Variants in DMD observed in about 807,000 individuals in gnomAD.
DMD encodes the protein dystrophin.
A neutral mutation model predicts 330.1 loss-of-function variants in DMD; 63 were observed. The observed-to-expected ratio is 0.19, with a 90% CI of 0.16 to 0.24. DMD has a LOEUF of 0.24. Ranked by LOEUF, DMD falls within the 10% of genes least tolerant of loss-of-function variation. DMD has a pLI of 1.00. For missense variants in DMD, 3,344 were observed against 2,684.1 expected (o/e 1.25, Z -5.43); for synonymous variants, 1,223 against 959.8 (o/e 1.27, Z -5.07).
At chrX:32,674,277 G>A (rs2061824673) in intron 9 of DMD, among the ~76,000 whole-genome samples, 1 of 111,491 alleles carries the variant, frequency 9.0e-6, no homozygotes, top group Non-Finnish European at 1.9e-5. Context: ...TCCACTGGAT[G>A]GATCATAAAG....
intron 52 of DMD, among the ~76,000 whole-genome samples, chrX:31,713,004 T>C (rs1162512497): frequency 9.0e-6 from 1 of 111,271 alleles, no homozygotes; most frequent in East Asian, 2.8e-4. Context: ...GTAGTGGGCA[T>C]GGTGGGCTTC....
chrX:32,553,412 G>C (rs1473136732), intron 16 of DMD, among the ~76,000 whole-genome samples: 1 of 109,893 alleles, frequency 9.1e-6, no homozygotes, highest in African/African-American at 3.4e-5. Context: ...TCTATGTGAG[G>C]CTGGAGGGTA....
intron 43 of DMD, among the ~76,000 whole-genome samples, chrX:32,275,143 G>A (rs187673178): frequency 8.9e-6 from 1 of 111,889 alleles, no homozygotes; most frequent in East Asian, 2.8e-4. Flanking sequence ...CACTTGAACA[G>A]AGCAGTGTGA....
At chrX:32,449,004 T>C (rs148031686) in intron 26 of DMD, among the ~76,000 whole-genome samples, 1,814 of 111,102 alleles carry the variant, frequency 0.016, 39 homozygotes, top group African/African-American at 0.055. Flanking sequence ...AGTCTAGAAT[T>C]GAAATCACTT....
intron 1 of DMD, among the ~76,000 whole-genome samples, chrX:33,297,568 C>G (rs1270278260): frequency 1.8e-5 from 2 of 110,646 alleles, no homozygotes; most frequent in East Asian, 5.7e-4. Flanking sequence ...TCACAATAGC[C>G]AAGATATAGC....
chrX:31,564,042 A>G (rs1229321700), intron 55 of DMD, among the ~76,000 whole-genome samples: 2 of 111,106 alleles, frequency 1.8e-5, no homozygotes, highest in Non-Finnish European at 3.8e-5. Context: ...GGGGCATGCC[A>G]TGTGAAAATG....
chrX:33,070,677 A>ACC (rs2094739635), intron 1 of DMD, among the ~76,000 whole-genome samples: 1 of 22,445 alleles, frequency 4.5e-5, no homozygotes, highest in Non-Finnish European at 7.4e-5. Context: ...CTCTCTCTAT[A>ACC]TATATATATA....
chrX:33,200,564 T>C (rs1411499055), intron 1 of DMD, among the ~76,000 whole-genome samples: 2 of 111,377 alleles, frequency 1.8e-5, no homozygotes, highest in East Asian at 2.8e-4. Flanking sequence ...CCTCATCTAA[T>C]CTCATACACT....
chrX:32,033,603 C>CAGAGAGAA (rs1217395754), intron 44 of DMD, among the ~76,000 whole-genome samples: 1 of 59,938 alleles, frequency 1.7e-5, no homozygotes, highest in Non-Finnish European at 3.0e-5. Flanking sequence ...GACAGACAGA[C>CAGAGAGAA]AGAAAGAAAG....
chrX:32,703,866 T>C (rs763546469), intron 7 of DMD, among the ~76,000 whole-genome samples: 1 of 111,844 alleles, frequency 8.9e-6, no homozygotes, highest in Non-Finnish European at 1.9e-5. Context: ...TAAGATTTTA[T>C]GAAATGAGAG....
intron 44 of DMD, among the ~76,000 whole-genome samples, chrX:32,028,728 A>G (rs1226961640): frequency 9.0e-6 from 1 of 111,520 alleles, no homozygotes; most frequent in African/African-American, 3.3e-5. Context: ...AATTTATTGA[A>G]CACAAAGGAA....
intron 5 of DMD, among the ~76,000 whole-genome samples, chrX:32,820,447 T>C (rs2078146286): frequency 9.1e-6 from 1 of 109,855 alleles, no homozygotes; most frequent in African/African-American, 3.4e-5. Flanking sequence ...GTCTCAAAAA[T>C]AAAAAATAAA....
chrX:31,716,316 C>T (rs28424590), intron 52 of DMD, among the ~76,000 whole-genome samples: 15,305 of 111,836 alleles, frequency 0.14, 891 homozygotes, highest in Admixed American at 0.31. Context: ...CTTTGGGAGG[C>T]CGAGGCGGGT....
At chrX:32,563,470 T>C (rs1024959817) in intron 16 of DMD, among the ~76,000 whole-genome samples, 1 of 111,071 alleles carries the variant, frequency 9.0e-6, no homozygotes, top group Non-Finnish European at 1.9e-5. Context: ...ATGCCTCCAT[T>C]TTATCTTCAT....
At chrX:32,898,728 G>A (rs760420443) in intron 2 of DMD, among the ~76,000 whole-genome samples, 1 of 111,199 alleles carries the variant, frequency 9.0e-6, no homozygotes, top group South Asian at 3.9e-4. Flanking sequence ...AATGAGGGCT[G>A]CTGGGGATCA....
chrX:32,678,542 G>A (rs1255267206), intron 9 of DMD, among the ~76,000 whole-genome samples: 1 of 110,686 alleles, frequency 9.0e-6, no homozygotes, highest in Non-Finnish European at 1.9e-5. Context: ...ATGTGTGTAT[G>A]GGTGGGTGCC....
chrX:31,567,708 A>G (rs746096460), intron 55 of DMD, among the ~76,000 whole-genome samples: 1 of 110,403 alleles, frequency 9.1e-6, no homozygotes, highest in Non-Finnish European at 1.9e-5. Flanking sequence ...TTTATTCTCA[A>G]TACTGCTTTT....
rs1376652202 is a variant in DMD at position 31,196,437 on chromosome X, AG to A, written c.9807+7523del. On this transcript the variant is annotated intron_variant, in intron 67 of 78. Coordinates refer to ENST00000357033, the MANE Select transcript of DMD (RefSeq NM_004006.3). ...GTAAAAGGAATGTCTATGGAACCAAAGGGCCCACAGTCTGATTAATACACAA... is the reference window on the plus strand; with the variant it reads ...GTAAAAGGAATGTCTATGGAACCAAAGGCCCACAGTCTGATTAATACACAA... Among the ~76,000 whole-genome samples the A allele has an allele frequency of 2.7e-5, 3 of 111,509 alleles. No homozygotes were observed. The East Asian group carries it at 8.4e-4, about 31-fold the overall frequency.
At chrX:32,664,249 T>A (rs1255652446) in intron 9 of DMD, among the ~76,000 whole-genome samples, 8 of 100,849 alleles carry the variant, frequency 7.9e-5, no homozygotes, top group African/African-American at 2.9e-4. Flanking sequence ...TTTTTTTTTT[T>A]TTTTTTTTTT....
Sources: gnomAD v4.1 joint callset for allele counts (sites outside exome capture counted in the v4.1 genomes callset) on GRCh38, gnomAD v4.1.1 for gene constraint, MANE v1.5 for transcripts, NCBI Gene and HGNC (gene_info 2026-07-23, HGNC 2026-07-21) for gene names.